MALRD1: variants seen among roughly 807,000 people sequenced by gnomAD.
The protein encoded by MALRD1 is MAM and LDL receptor class A domain containing 1.
A neutral mutation model predicts 242.1 loss-of-function variants in MALRD1; 247 were observed. The observed-to-expected ratio is 1.02, with a 90% CI of 0.92 to 1.13. The LOEUF is 1.13. Ranked by LOEUF, MALRD1 falls within the 50% of genes most tolerant of loss-of-function variation. The pLI, the probability that MALRD1 is intolerant of heterozygous loss-of-function variation, is 0.00. For missense variants in MALRD1, 2,989 were observed against 2,533.1 expected, an observed-to-expected ratio of 1.18 and a Z score of -3.86; for synonymous variants, 995 against 866.6, an observed-to-expected ratio of 1.15 and a Z score of -2.60.
chr10:19,206,220 G>C (rs2131620839), intron 17 of MALRD1, among the ~76,000 whole-genome samples: 1 of 152,012 alleles, frequency 6.6e-6, no homozygotes, highest in East Asian at 1.9e-4. Context: ...AAAACATTAA[G>C]AAATTTCCAT....
intron 1 of MALRD1, chr10:19,052,087 T>A: frequency 2.3e-6 from 1 of 443,520 alleles, no homozygotes; most frequent in South Asian, 1.8e-5. Context: ...TCAAGAGCCA[T>A]GTCAGGGCTA....
intron 24 of MALRD1, among the ~76,000 whole-genome samples, chr10:19,344,720 TGG>T (rs71507279): frequency 1.1e-4 from 16 of 142,650 alleles, no homozygotes; most frequent in African/African-American, 3.0e-4. Flanking sequence ...CCATGTCAAT[TGG>T]GGGGGGGGAG....
At chr10:19,323,049 G>A (rs1999654) in intron 21 of MALRD1, among the ~76,000 whole-genome samples, 19,909 of 151,860 alleles carry the variant, frequency 0.13, 1,339 homozygotes, top group South Asian at 0.15. Context: ...AAAAAAAATC[G>A]TATTTAATTG....
chr10:19,648,433 A>C (rs1275923506), intron 36 of MALRD1, among the ~76,000 whole-genome samples: 1 of 152,210 alleles, frequency 6.6e-6, no homozygotes, highest in Non-Finnish European at 1.5e-5. Flanking sequence ...CCACCAAGTT[A>C]GAGGAGCTTG....
chr10:19,420,028 T>C (rs1477852630), intron 28 of MALRD1, among the ~76,000 whole-genome samples: 2 of 152,164 alleles, frequency 1.3e-5, no homozygotes, highest in Non-Finnish European at 2.9e-5. Context: ...TCTTTTTAAT[T>C]CTCAGCAAGG....
intron 26 of MALRD1, among the ~76,000 whole-genome samples, chr10:19,378,201 T>TA (rs1475614472): frequency 2.6e-5 from 4 of 152,158 alleles, no homozygotes; most frequent in Admixed American, 1.3e-4. Flanking sequence ...TACCAAAGCT[T>TA]AAACAATATG....
chr10:19,294,027 C>CTG (rs772978964), intron 21 of MALRD1, among the ~76,000 whole-genome samples: 31 of 152,074 alleles, frequency 2.0e-4, no homozygotes, highest in Non-Finnish European at 3.7e-4. Context: ...AGCATACTTG[C>CTG]TGTACAAGGT....
Position 19,163,137 on chromosome 10 carries a change from TAAAAAAAAAAA to T in MALRD1, c.1657-2482_1657-2472del, listed in dbSNP as rs58034381. ...TGAACAACTGGAGTGAAACCCTGTCTAAAAAAAAAAAAAAAAAAAAAAAAAAAAGACATCAT... is the reference window on the plus strand; with the variant it reads ...TGAACAACTGGAGTGAAACCCTGTCTAAAAAAAAAAAAAAAAAGACATCAT... On this transcript the variant is annotated intron_variant, in intron 12 of 39. Coordinates refer to ENST00000454679, the MANE Select transcript of MALRD1 (RefSeq NM_001142308.3). 3.0e-3 allele frequency among the ~76,000 whole-genome samples: 132 copies of T among 43,856 alleles called. 2 individuals are homozygous for T. Among genetic ancestry groups the T allele is most frequent in the African/African-American group, 9.7e-3 (118 of 12,116 alleles). 28.8% of individuals were successfully genotyped at this position (43,856 alleles called of 152,430 possible).
intron 21 of MALRD1, among the ~76,000 whole-genome samples, chr10:19,292,377 G>T (rs936828907): frequency 3.9e-5 from 6 of 151,962 alleles, no homozygotes; most frequent in African/African-American, 1.5e-4. Flanking sequence ...AAATGTTGTG[G>T]ATTTGCTTAA....
intron 38 of MALRD1, among the ~76,000 whole-genome samples, chr10:19,708,752 C>G (rs1470504817): frequency 8.1e-6 from 1 of 122,972 alleles, no homozygotes; most frequent in African/African-American, 2.6e-5. Context: ...ACCTCCGCCT[C>G]CCAGGTTCAA....
chr10:19,424,806 G>A (rs976138578), intron 28 of MALRD1, among the ~76,000 whole-genome samples: 1 of 151,822 alleles, frequency 6.6e-6, no homozygotes, highest in African/African-American at 2.4e-5. Context: ...GTAGAATCCT[G>A]ACCTGAATTT....
At chr10:19,304,666 G>C (rs1424786826) in intron 21 of MALRD1, among the ~76,000 whole-genome samples, 1 of 151,690 alleles carries the variant, frequency 6.6e-6, no homozygotes, top group Non-Finnish European at 1.5e-5. Flanking sequence ...ATGTTGATTT[G>C]TGTTTGAAAA....
intron 21 of MALRD1, among the ~76,000 whole-genome samples, chr10:19,302,329 A>T (rs557157132): frequency 5.3e-4 from 81 of 151,952 alleles, no homozygotes; most frequent in African/African-American, 1.9e-3. Flanking sequence ...AAAAAACCTT[A>T]TACATGAGTA....
intron 11 of MALRD1, among the ~76,000 whole-genome samples, chr10:19,148,726 G>T (rs1833810595): frequency 6.7e-6 from 1 of 148,410 alleles, no homozygotes; most frequent in Non-Finnish European, 1.5e-5. Flanking sequence ...CTCACCCAGA[G>T]TGTGAGGGAC....
At chr10:19,717,048 A>G (rs1367296325) in intron 38 of MALRD1, among the ~76,000 whole-genome samples, 2 of 152,232 alleles carry the variant, frequency 1.3e-5, no homozygotes, top group African/African-American at 4.8e-5. Context: ...CATCAGCAAT[A>G]GATACTATCA....
chr10:19,590,379 T>C lies in MALRD1; in HGVS notation c.5681-4815T>C, dbSNP rs954048560. 6.7e-5 allele frequency among the ~76,000 whole-genome samples: 10 copies of C among 148,178 alleles called. No homozygotes were observed. The East Asian group carries it at 1.9e-3, about 29-fold the overall frequency. On this transcript the variant is annotated intron_variant, in intron 33 of 39. Coordinates refer to ENST00000454679, the MANE Select transcript of MALRD1 (RefSeq NM_001142308.3). ...ATATATGTATATGTCTATATACATA[T>C]TTTATATATGTATATATTTTATATA...
At chr10:19,127,681 A>G (rs895045339) in intron 7 of MALRD1, among the ~76,000 whole-genome samples, 1 of 152,206 alleles carries the variant, frequency 6.6e-6, no homozygotes, top group Non-Finnish European at 1.5e-5. Context: ...TTTACAATAT[A>G]TTTATGTAAA....
At chr10:19,125,458 T>C (rs1266235244) in intron 7 of MALRD1, among the ~76,000 whole-genome samples, 1 of 150,010 alleles carries the variant, frequency 6.7e-6, no homozygotes, top group African/African-American at 2.5e-5. Flanking sequence ...TCAACACTGC[T>C]CTGTTGTCAA....
chr10:19,057,090 A>G (rs969369749), intron 1 of MALRD1, among the ~76,000 whole-genome samples: 11 of 152,062 alleles, frequency 7.2e-5, no homozygotes, highest in Non-Finnish European at 1.3e-4. Context: ...TTTGTTGAAA[A>G]TGTTTGCATC....
Sources: allele counts gnomAD v4.1 joint callset (sites outside exome capture counted in the v4.1 genomes callset), GRCh38; gene constraint gnomAD v4.1.1; transcripts MANE v1.5; gene names NCBI Gene and HGNC (gene_info 2026-07-23, HGNC 2026-07-21).